NCOR2: variants seen among roughly 807,000 people sequenced by gnomAD.
NCOR2 encodes the protein nuclear receptor corepressor 2.
Under a neutral mutation model 262.9 loss-of-function variants are expected in NCOR2, and 81 were observed. That is an observed-to-expected ratio of 0.31 (90% CI 0.26 to 0.37). The LOEUF (loss-of-function observed/expected upper bound fraction) is 0.37. Among genes scored for constraint, NCOR2 ranks in the 10% least tolerant of loss-of-function variants. NCOR2 has a pLI of 1.00. For synonymous variants in NCOR2, 1,659 were observed against 1,559.3 expected (o/e 1.06, Z -1.51); for missense variants, 3,385 against 3,621.4 (o/e 0.93, Z 1.68).
chr12:124,515,824 GTTC>G (rs2049729683), intron 1 of NCOR2, among the ~76,000 whole-genome samples: 2 of 152,194 alleles, frequency 1.3e-5, no homozygotes, highest in Admixed American at 6.5e-5. Context: ...AGTTCTATGT[GTTC>G]TTATCACATG....
At position 124,334,416 on chromosome 12, in the gene NCOR2, T is replaced by C. The variant is rs764138963; in HGVS notation, c.6605+8A>G. ...GACCAGCAAGAGGCACCCCCATCCC[T>C]CGCTCACCTCTTGCCCCCTTCGCTG... On this transcript the variant is annotated splice_region_variant and intron_variant, in intron 41 of 46. Coordinates refer to ENST00000405201, the Ensembl canonical transcript of NCOR2. 1.1e-5 allele frequency: 17 copies of C among 1,521,810 alleles called. No individual in the cohort carries two copies. In the Middle Eastern group the frequency reaches 7.0e-4, roughly 62 times the overall value. 94.3% of individuals were successfully genotyped at this position (1,521,810 alleles called of 1,614,324 possible).
Position 124,504,775 on chromosome 12 carries a change from G to A in NCOR2, c.-117-9407C>T, listed in dbSNP as rs929028433. Among the ~76,000 whole-genome samples the A allele has an allele frequency of 3.3e-5, 5 of 152,338 alleles. No homozygotes were observed. Among genetic ancestry groups the A allele is most frequent in the Non-Finnish European group, 5.9e-5 (4 of 68,036 alleles). Reference sequence around the variant, plus strand: ...ACATGGCACAAAAGGCAAAGAAGCCGCTCAGAAAGGCCACGCACTGCATGA... The same window carrying A: ...ACATGGCACAAAAGGCAAAGAAGCCACTCAGAAAGGCCACGCACTGCATGA... On this transcript the variant is annotated intron_variant, in intron 1 of 46. Coordinates refer to the NCOR2 transcript ENST00000404621. This position sits in a 1 kb window ranked among gnomAD's most constrained non-coding sequence, Gnocchi z 4.5.
At chr12:124,346,905 A>G (rs944598070) in intron 30 of NCOR2, 55 bp from the exon 33 acceptor site, 2 of 1,442,290 alleles carry the variant, frequency 1.4e-6, no homozygotes, top group Non-Finnish European at 1.8e-6. Flanking sequence ...ACCCATCAAG[A>G]GCCTCCACAC....
intron 16 of NCOR2, among the ~76,000 whole-genome samples, 156 bp downstream of exon 18, chr12:124,397,963 G>A (rs1417925144): frequency 1.3e-5 from 2 of 152,262 alleles, no homozygotes; most frequent in Non-Finnish European, 2.9e-5. Context: ...GCTCCAGGGT[G>A]ACAAACCTGA....
At chr12:124,363,833 C>T (rs1372747558) in intron 20 of NCOR2, 34 bp from the exon 23 acceptor site, 1 of 1,321,346 alleles carries the variant, frequency 7.6e-7, no homozygotes, top group Non-Finnish European at 9.7e-7. Flanking sequence ...GCTGGGGGCC[C>T]ACAGCCGGAC....
At chr12:124,474,854 G>C (rs1338905306) in intron 3 of NCOR2, among the ~76,000 whole-genome samples, 4 of 152,094 alleles carry the variant, frequency 2.6e-5, no homozygotes, top group African/African-American at 4.8e-5. Context: ...TGGCAGACAA[G>C]GCCCAGAGCA....
rs61933579 is a variant in NCOR2 at position 124,504,632 on chromosome 12, C to T, written c.-117-9264G>A. Among the ~76,000 whole-genome samples the T allele has an allele frequency of 0.16, 24,864 of 152,202 alleles. 2,380 individuals carry two copies. Among genetic ancestry groups the T allele is most frequent in the East Asian group, 0.28 (1,428 of 5,176 alleles). ...ACATCAGCCAACAAGCAGAAACAAC[C>T]CAAATGTCCATCTACTGACAAACAG... On this transcript the variant is annotated intron_variant, in intron 1 of 46. Coordinates refer to the NCOR2 transcript ENST00000404621. The surrounding 1 kb of genome is among the most constrained non-coding windows in gnomAD (Gnocchi z 4.5).
intron 13 of NCOR2, among the ~76,000 whole-genome samples, chr12:124,409,574 C>G (rs1206965572): frequency 6.6e-6 from 1 of 152,226 alleles, no homozygotes; most frequent in African/African-American, 2.4e-5. Flanking sequence ...TACGCATGGT[C>G]CAAGTCCCCC....
At chr12:124,469,324 G>GAGT (rs2046709277) in intron 4 of NCOR2, among the ~76,000 whole-genome samples, 1 of 152,174 alleles carries the variant, frequency 6.6e-6, no homozygotes, top group Non-Finnish European at 1.5e-5. Context: ...CAGGATGCTG[G>GAGT]CTTTTACAGA....
exon 46 of NCOR2, chr12:124,326,225 G>C (rs1213375741): frequency 6.5e-7 from 1 of 1,539,964 alleles, no homozygotes; most frequent in African/African-American, 1.4e-5. Context: ...ACACGCGGTT[G>C]GTGAGCGGCG....
At chr12:124,467,834 T>C in intron 4 of NCOR2, among the ~76,000 whole-genome samples, 1 of 46,750 alleles carries the variant, frequency 2.1e-5, no homozygotes, top group Non-Finnish European at 4.1e-5. Flanking sequence ...ATCACCCTCA[T>C]CCTCATCACC....
chr12:124,350,713 T>G (rs1168626584), exon 28 of NCOR2: 1 of 1,612,816 alleles, frequency 6.2e-7, no homozygotes, highest in East Asian at 2.2e-5. Context: ...ATGGTGCCCT[T>G]GTACAGGACG....
chr12:124,362,414 C>G (rs2038657964), intron 21 of NCOR2, 117 bp from the exon 24 acceptor site: 1 of 915,682 alleles, frequency 1.1e-6, no homozygotes, highest in Admixed American at 3.2e-5. Context: ...CAGCGACATG[C>G]TCAAGGTCCC....
At position 124,483,093 on chromosome 12, in the gene NCOR2, C is replaced by T. The variant is rs1053015446; in HGVS notation, c.411+503G>A. On this transcript the variant is annotated intron_variant, in intron 3 of 46. Coordinates refer to ENST00000405201, the Ensembl canonical transcript of NCOR2. This position sits in a 1 kb window ranked among gnomAD's most constrained non-coding sequence, Gnocchi z 6.3. ...CACCTCGCGGGCCGGGGTTCAAGGC[C>T]CAGGGGGCTGCCTGCTGTGCAGGGC... 1.3e-5 allele frequency among the ~76,000 whole-genome samples: 2 copies of T among 152,100 alleles called. No homozygotes were observed. The highest frequency in any genetic ancestry group is 6.5e-5 in the Admixed American group (1 of 15,284).
chr12:124,338,554 T>C (rs1474559290), intron 37 of NCOR2, among the ~76,000 whole-genome samples: 4 of 148,268 alleles, frequency 2.7e-5, no homozygotes, highest in African/African-American at 7.5e-5. Flanking sequence ...TGTTGAGGTG[T>C]GACCCCACCC....
chr12:124,352,685 T>C (rs947347615), intron 27 of NCOR2, among the ~76,000 whole-genome samples: 4 of 152,212 alleles, frequency 2.6e-5, no homozygotes, highest in Non-Finnish European at 5.9e-5. Context: ...TTTTGAGCTA[T>C]AGTATTTTAG....
At position 124,523,986 on chromosome 12, in the gene NCOR2, G is replaced by A. The variant is rs930771506; in HGVS notation, c.-118+11579C>T. ...TGTTCTCTGAGAAACTGCTGTGGCCGTGGGCCTTGACTTTCAGAAATGGCA... is the reference window on the plus strand; with the variant it reads ...TGTTCTCTGAGAAACTGCTGTGGCCATGGGCCTTGACTTTCAGAAATGGCA... On this transcript the variant is annotated intron_variant, in intron 1 of 46. Transcript: ENST00000404621. This position sits in a 1 kb window ranked among gnomAD's most constrained non-coding sequence, Gnocchi z 4.0. Among the ~76,000 whole-genome samples, 2 of 152,254 alleles carry A rather than the reference G, an allele frequency of 1.3e-5. No individual in the cohort carries two copies. Among genetic ancestry groups the A allele is most frequent in the African/African-American group, 2.4e-5 (1 of 41,466 alleles).
chr12:124,374,499 A>T (rs2695993), intron 18 of NCOR2, 36 bp from the exon 21 acceptor site: 1 of 1,602,928 alleles, frequency 6.2e-7, no homozygotes, highest in Non-Finnish European at 8.5e-7. Flanking sequence ...GAAGTGAGGC[A>T]GCACCAAGTA....
At chr12:124,345,225 G>A (rs528059797) in intron 31 of NCOR2, among the ~76,000 whole-genome samples, 11 of 152,164 alleles carry the variant, frequency 7.2e-5, no homozygotes, top group South Asian at 2.1e-4. Flanking sequence ...TCCCTGCCGC[G>A]AGTGGTGGGC....
Sources: gnomAD v4.1 joint callset for allele counts (sites outside exome capture counted in the v4.1 genomes callset) on GRCh38, gnomAD v4.1.1 for gene constraint, Gnocchi (gnomAD v3.1) non-coding constraint, MANE v1.5 for transcripts, NCBI Gene and HGNC (gene_info 2026-07-23, HGNC 2026-07-21) for gene names.